Variants in PTPRD observed in about 807,000 individuals in gnomAD.
The protein encoded by PTPRD is receptor-type tyrosine-protein phosphatase delta.
PTPRD carries 34 observed loss-of-function variants against 214.5 expected under a neutral mutation model. The ratio of observed to expected loss-of-function variants is 0.16; its 90% confidence interval spans 0.12 to 0.21. The LOEUF is 0.21. PTPRD is among the 10% of genes least tolerant of loss of function. PTPRD has a pLI of 1.00. For synonymous variants in PTPRD, 1,128 were observed against 845.7 expected (o/e 1.33, Z -5.79); for missense variants, 2,545 against 2,398.7 (o/e 1.06, Z -1.27).
At position 9,128,855 on chromosome 9, in the gene PTPRD, G is replaced by A. The variant is rs1592093201; in HGVS notation, c.-143+54449C>T. Among the ~76,000 whole-genome samples, 3 of 152,242 alleles carry A rather than the reference G, an allele frequency of 2.0e-5. No individual in the cohort carries two copies. The East Asian group carries it at 5.8e-4, about 29-fold the overall frequency. ...AAAGAATAGCAGTATTTTTCACTGT[G>A]GTCTGAGCATAATTTTAAAATTATG... On this transcript the variant is annotated intron_variant, in intron 10 of 45. Transcript: ENST00000381196.
At chr9:9,789,670 G>A (rs1444382988) in intron 5 of PTPRD, among the ~76,000 whole-genome samples, 2 of 151,508 alleles carry the variant, frequency 1.3e-5, no homozygotes, top group African/African-American at 4.9e-5. Flanking sequence ...GGTGGTGGGC[G>A]CCTGTAGTCC....
chr9:10,141,097 T>A (rs952756390), intron 3 of PTPRD, among the ~76,000 whole-genome samples: 3 of 152,072 alleles, frequency 2.0e-5, no homozygotes, highest in Non-Finnish European at 2.9e-5. Flanking sequence ...ATGGGACGTA[T>A]CTCAAAATAA....
At chr9:10,234,248 G>A (rs1276679445) in intron 3 of PTPRD, among the ~76,000 whole-genome samples, 1 of 151,538 alleles carries the variant, frequency 6.6e-6, no homozygotes, top group African/African-American at 2.4e-5. Context: ...AATAAAATAT[G>A]AAGATCCCCT....
At chr9:9,910,425 C>T (rs7871708) in intron 5 of PTPRD, among the ~76,000 whole-genome samples, 58,877 of 151,404 alleles carry the variant, frequency 0.39, 11,792 homozygotes, top group African/African-American at 0.48. Flanking sequence ...AATAATCCCA[C>T]GATTTTCTAG....
At chr9:9,352,359 A>G (rs76684305) in intron 9 of PTPRD, among the ~76,000 whole-genome samples, 1,927 of 110,750 alleles carry the variant, frequency 0.017, 36 homozygotes, top group African/African-American at 0.049. Flanking sequence ...GTGTGTATAT[A>G]TGTGTGTGTG....
In PTPRD at chr9:8,524,918, T is replaced by C. The variant is rs897238393; in HGVS notation, c.679+7A>G. 6.2e-7 allele frequency: 1 copy of C among 1,609,562 alleles called. No homozygotes were observed. The highest frequency in any genetic ancestry group is 8.5e-7 in the Non-Finnish European group (1 of 1,175,996). ...AAGAAGCGATGCCAGGGTTATGTCATTCCTACCTCTGACATATAAATTGGC... is the reference window on the plus strand; with the variant it reads ...AAGAAGCGATGCCAGGGTTATGTCACTCCTACCTCTGACATATAAATTGGC... On this transcript the variant is annotated splice_region_variant and intron_variant, in intron 18 of 45. Coordinates refer to ENST00000381196, the MANE Select transcript of PTPRD (RefSeq NM_002839.4).
intron 9 of PTPRD, among the ~76,000 whole-genome samples, chr9:9,224,605 G>A (rs1054141535): frequency 1.2e-4 from 18 of 151,964 alleles, no homozygotes; most frequent in South Asian, 2.1e-4. Context: ...TAAGGTAAAC[G>A]TATTAATTAT....
At chr9:8,524,438 G>A (rs1350903578) in intron 18 of PTPRD, among the ~76,000 whole-genome samples, 2 of 152,166 alleles carry the variant, frequency 1.3e-5, no homozygotes, top group African/African-American at 2.4e-5. Context: ...TTTGCATGTA[G>A]CACTTGTTTT....
In PTPRD at chr9:10,174,573, C is replaced by T. The variant is rs2099234492; in HGVS notation, c.-544-140783G>A. Among the ~76,000 whole-genome samples the T allele has an allele frequency of 2.0e-5, 3 of 151,734 alleles. No homozygotes were observed. In the South Asian group the frequency reaches 6.2e-4, roughly 31 times the overall value. ...CAAATGTACTATGCCAACTATCATACATCAACGAAAGATTTTTTTTTCCTA... is the reference window on the plus strand; with the variant it reads ...CAAATGTACTATGCCAACTATCATATATCAACGAAAGATTTTTTTTTCCTA... On this transcript the variant is annotated intron_variant, in intron 3 of 45. Coordinates refer to ENST00000381196, the MANE Select transcript of PTPRD (RefSeq NM_002839.4).
intron 7 of PTPRD, among the ~76,000 whole-genome samples, chr9:9,616,677 G>A (rs934123219): frequency 6.6e-6 from 1 of 152,080 alleles, no homozygotes; most frequent in African/African-American, 2.4e-5. Flanking sequence ...GATCACATAA[G>A]AAAACAGATA....
chr9:10,063,431 GA>G (rs1231411962), intron 3 of PTPRD, among the ~76,000 whole-genome samples: 1 of 151,886 alleles, frequency 6.6e-6, no homozygotes, highest in Non-Finnish European at 1.5e-5. Flanking sequence ...AGTATAGTAA[GA>G]AAAAAAGCGT....
At chr9:9,216,302 C>G (rs2133124569) in intron 9 of PTPRD, among the ~76,000 whole-genome samples, 1 of 152,254 alleles carries the variant, frequency 6.6e-6, no homozygotes, top group Non-Finnish European at 1.5e-5. Flanking sequence ...TAGATAGTCA[C>G]CAGCTCCCAA....
intron 7 of PTPRD, among the ~76,000 whole-genome samples, chr9:9,658,857 A>G (rs1371006064): frequency 1.3e-5 from 2 of 152,118 alleles, no homozygotes; most frequent in African/African-American, 2.4e-5. Flanking sequence ...ATTATTGCTT[A>G]TATTGAACAT....
intron 7 of PTPRD, among the ~76,000 whole-genome samples, chr9:9,693,532 G>A (rs901246080): frequency 2.6e-5 from 4 of 152,002 alleles, no homozygotes; most frequent in Admixed American, 6.6e-5. Context: ...CTTTATAGCC[G>A]TGTGAAAATG....
Position 9,811,466 on chromosome 9 carries a change from G to A in PTPRD, c.-367-44615C>T, listed in dbSNP as rs187181760. Among the ~76,000 whole-genome samples the A allele has an allele frequency of 4.8e-3, 726 of 152,286 alleles. 6 individuals carry two copies. The highest frequency in any genetic ancestry group is 0.027 in the South Asian group (131 of 4,826). ...CTCAGGCCTGTAATCCCAGCACTTT[G>A]GGAGGCCGAGGTGGGCGGATCATGA... On this transcript the variant is annotated intron_variant, in intron 5 of 45. Coordinates refer to ENST00000381196, the MANE Select transcript of PTPRD (RefSeq NM_002839.4).
Position 9,765,246 on chromosome 9 carries a change from T to C in PTPRD, c.-326+1564A>G, listed in dbSNP as rs566926059. Among the ~76,000 whole-genome samples, 14 of 152,334 alleles carry C rather than the reference T, an allele frequency of 9.2e-5. No individual in the cohort carries two copies. In the East Asian group the frequency reaches 1.2e-3, roughly 13 times the overall value. ...TAACATACGCATTTATAGGAGGCTT[T>C]CTTCTTCCATATGAGTAACACTGCA... On this transcript the variant is annotated intron_variant, in intron 6 of 45. Coordinates refer to ENST00000381196, the MANE Select transcript of PTPRD (RefSeq NM_002839.4).
At chr9:8,702,092 C>A (rs1361496547) in intron 12 of PTPRD, among the ~76,000 whole-genome samples, 2 of 151,958 alleles carry the variant, frequency 1.3e-5, no homozygotes, top group Non-Finnish European at 2.9e-5. Context: ...CTTTAGTTTG[C>A]TCTCCTACTT....
intron 11 of PTPRD, among the ~76,000 whole-genome samples, chr9:8,986,005 T>G: frequency 6.6e-6 from 1 of 152,090 alleles, no homozygotes; most frequent in East Asian, 1.9e-4. Flanking sequence ...CTATAAAAGC[T>G]TTTTTACAGT....
chr9:9,445,251 C>A (rs907655092), intron 8 of PTPRD, among the ~76,000 whole-genome samples: 1 of 152,168 alleles, frequency 6.6e-6, no homozygotes, highest in Non-Finnish European at 1.5e-5. Flanking sequence ...CTCTTACCTA[C>A]CATACTTATC....
Sources: allele counts gnomAD v4.1 joint callset (sites outside exome capture counted in the v4.1 genomes callset), GRCh38; gene constraint gnomAD v4.1.1; transcripts MANE v1.5; gene names NCBI Gene and HGNC (gene_info 2026-07-23, HGNC 2026-07-21).